Variants in EBF3 observed in about 807,000 individuals in gnomAD.
The protein encoded by EBF3 is transcription factor COE3.
Under a neutral mutation model 77.1 loss-of-function variants are expected in EBF3, and 18 were observed. The observed-to-expected ratio is 0.23, with a 90% CI of 0.16 to 0.35. The LOEUF is 0.35. Ranked by LOEUF, EBF3 falls within the 10% of genes least tolerant of loss-of-function variation. The pLI, the probability that EBF3 is intolerant of heterozygous loss-of-function variation, is 1.00. For missense variants in EBF3, 558 were observed against 860.0 expected (o/e 0.65, Z 4.39); for synonymous variants, 350 against 343.5 (o/e 1.02, Z -0.21).
intron 11 of EBF3, chr10:129,843,519 G>A (rs558833516): frequency 3.1e-6 from 1 of 320,432 alleles, no homozygotes; most frequent in Non-Finnish European, 5.9e-6. Flanking sequence ...GTTTAATGAC[G>A]GAGTCTTATG....
intron 6 of EBF3, among the ~76,000 whole-genome samples, chr10:129,889,802 CAAAAAAAA>C (rs57252162): frequency 2.6e-5 from 3 of 114,918 alleles, no homozygotes; most frequent in Non-Finnish European, 5.2e-5. Flanking sequence ...GTCACATCTG[CAAAAAAAA>C]AAAAAAAAAA....
intron 6 of EBF3, among the ~76,000 whole-genome samples, chr10:129,942,611 G>C (rs919089978): frequency 6.6e-6 from 1 of 152,156 alleles, no homozygotes; most frequent in Admixed American, 6.5e-5. Context: ...GAAAATTGGG[G>C]ACTACCACGT....
chr10:129,899,190 C>G (rs1332092441), intron 6 of EBF3, among the ~76,000 whole-genome samples: 1 of 152,240 alleles, frequency 6.6e-6, no homozygotes, highest in Admixed American at 6.5e-5. Context: ...CTTCTGATAG[C>G]GAATGTCCTC....
At chr10:129,955,814 T>C (rs1451909218) in intron 6 of EBF3, among the ~76,000 whole-genome samples, 1 of 152,242 alleles carries the variant, frequency 6.6e-6, no homozygotes, top group African/African-American at 2.4e-5. Context: ...TGAAACACTT[T>C]CGCAATCCTT....
intron 16 of EBF3, among the ~76,000 whole-genome samples, chr10:129,838,569 G>A (rs552389746): frequency 4.6e-5 from 7 of 152,324 alleles, no homozygotes; most frequent in African/African-American, 1.4e-4. Context: ...ACGGAGAGAC[G>A]TGAGTCATGG....
At position 129,938,008 on chromosome 10, in the gene EBF3, C is replaced by T. The variant is rs765097992; in HGVS notation, c.554+19250G>A. 2.6e-5 allele frequency among the ~76,000 whole-genome samples: 4 copies of T among 152,138 alleles called. No homozygotes were observed. Among genetic ancestry groups the T allele is most frequent in the African/African-American group, 7.2e-5 (3 of 41,418 alleles). ...ACAAAATGCATTAGTCAAAATACTT[C>T]GAAATGGTACAAGCTATTTTCTGGC... On this transcript the variant is annotated intron_variant, in intron 6 of 16. Transcript: ENST00000440978. This position sits in a 1 kb window ranked among gnomAD's most constrained non-coding sequence, Gnocchi z 5.1.
chr10:129,919,424 G>A (rs934533951), intron 6 of EBF3, among the ~76,000 whole-genome samples: 2 of 152,118 alleles, frequency 1.3e-5, no homozygotes, highest in African/African-American at 2.4e-5. Context: ...CAGAGATAGC[G>A]AGCTTCTCTC....
At chr10:129,921,671 A>G (rs1856320665) in intron 6 of EBF3, among the ~76,000 whole-genome samples, 1 of 152,184 alleles carries the variant, frequency 6.6e-6, no homozygotes, top group Admixed American at 6.5e-5. Flanking sequence ...TGCGTGAAGA[A>G]CTGCTGCCCG....
chr10:129,930,897 ATATC>A (rs1248143145), intron 6 of EBF3, among the ~76,000 whole-genome samples: 1 of 141,242 alleles, frequency 7.1e-6, no homozygotes, highest in African/African-American at 2.7e-5. Flanking sequence ...ATATCTGTCT[ATATC>A]TATCTCTATA....
intron 6 of EBF3, among the ~76,000 whole-genome samples, chr10:129,918,045 T>C (rs373050627): frequency 3.9e-5 from 6 of 152,216 alleles, no homozygotes; most frequent in African/African-American, 1.4e-4. Context: ...ACCTGAGACC[T>C]GGAAGCTGGA....
At chr10:129,886,649 A>AT (rs924613333) in intron 6 of EBF3, among the ~76,000 whole-genome samples, 5 of 151,450 alleles carry the variant, frequency 3.3e-5, no homozygotes, top group African/African-American at 7.3e-5. Context: ...GTATGTGGGA[A>AT]TTTTTTTTTC....
chr10:129,923,294 G>A (rs1034600052), intron 6 of EBF3, among the ~76,000 whole-genome samples: 2 of 152,180 alleles, frequency 1.3e-5, no homozygotes, highest in East Asian at 1.9e-4. Flanking sequence ...TACTGTAAGC[G>A]GGGATGATGT....
chr10:129,847,709 A>T (rs958393507), intron 11 of EBF3, among the ~76,000 whole-genome samples: 5 of 152,218 alleles, frequency 3.3e-5, no homozygotes, highest in Non-Finnish European at 5.9e-5. Flanking sequence ...GCTTCTAAAG[A>T]GAGAAAGAGA....
At position 129,837,491 on chromosome 10, in the gene EBF3, C is replaced by A; in HGVS notation, c.*452G>T. ...AAAAATATTTCACATTATAGAGATACACAACCATTGTGAATCTAAGTATGA... is the reference window on the plus strand; with the variant it reads ...AAAAATATTTCACATTATAGAGATAAACAACCATTGTGAATCTAAGTATGA... On this transcript the variant is annotated 3_prime_UTR_variant, in exon 17 of 17. Coordinates refer to ENST00000440978, the MANE Select transcript of EBF3 (RefSeq NM_001375380.1). 6.0e-6 allele frequency: 1 copy of A among 167,694 alleles called. No homozygotes were observed. Among genetic ancestry groups the A allele is most frequent in the Non-Finnish European group, 1.3e-5 (1 of 77,828 alleles). The allele number at this position is 167,694 out of a possible 1,614,324, so 10.4% of individuals were successfully genotyped here. A position where few individuals can be genotyped will look rare whatever the true frequency, so the allele number is the denominator to read the frequency against.
At position 129,963,071 on chromosome 10, in the gene EBF3, C is replaced by G; in HGVS notation, c.292-66G>C. 1 of 1,592,164 alleles carries G rather than the reference C, an allele frequency of 6.3e-7. No individual in the cohort carries two copies. The highest frequency in any genetic ancestry group is 8.6e-7 in the Non-Finnish European group (1 of 1,160,404). ...GTCAGGCGCGGCCACCACGCTCGGT[C>G]CCCCTCCGCGACCGAGGCTCTCGGC... On this transcript the variant is annotated intron_variant, in intron 2 of 16. Coordinates refer to ENST00000440978, the MANE Select transcript of EBF3 (RefSeq NM_001375380.1). The surrounding 1 kb of genome is among the most constrained non-coding windows in gnomAD (Gnocchi z 7.1).
intron 6 of EBF3, among the ~76,000 whole-genome samples, chr10:129,914,572 G>C (rs1834550351): frequency 6.6e-6 from 1 of 152,168 alleles, no homozygotes; most frequent in Non-Finnish European, 1.5e-5. Flanking sequence ...AACGGGGCTG[G>C]TTCCTCCTCT....
At position 129,935,065 on chromosome 10, in the gene EBF3, T is replaced by C. The variant is rs1857263604; in HGVS notation, c.554+22193A>G. On this transcript the variant is annotated intron_variant, in intron 6 of 16. Coordinates refer to ENST00000440978, the MANE Select transcript of EBF3 (RefSeq NM_001375380.1). This position sits in a 1 kb window ranked among gnomAD's most constrained non-coding sequence, Gnocchi z 4.2. ...AGTACATCCCAAATATCTCATGGGA[T>C]GTACTCATCCTAACACATTAGCTGT... is the stretch of plus-strand genomic sequence containing the variant. Among the ~76,000 whole-genome samples the C allele has an allele frequency of 1.3e-5, 2 of 152,166 alleles. No homozygotes were observed. The highest frequency in any genetic ancestry group is 4.2e-4 in the South Asian group (2 of 4,818).
At chr10:129,899,281 A>G (rs995138000) in intron 6 of EBF3, among the ~76,000 whole-genome samples, 14 of 152,268 alleles carry the variant, frequency 9.2e-5, no homozygotes, top group African/African-American at 3.1e-4. Context: ...TTAACTGCCA[A>G]TGAAAACGTC....
In EBF3 at chr10:129,891,381, C is replaced by T. The variant is rs1854007408; in HGVS notation, c.555-13532G>A. Among the ~76,000 whole-genome samples, 3 of 152,164 alleles carry T rather than the reference C, an allele frequency of 2.0e-5. No homozygotes were observed. The South Asian group carries it at 6.2e-4, about 32-fold the overall frequency. ...TGAATAAGCTATTCGCACTTCCTCC[C>T]GTGCATGCAGGAAATTGGAATAAGG... On this transcript the variant is annotated intron_variant, in intron 6 of 16. Transcript: ENST00000440978.
Sources: gnomAD v4.1 joint callset for allele counts (sites outside exome capture counted in the v4.1 genomes callset) on GRCh38, gnomAD v4.1.1 for gene constraint, Gnocchi (gnomAD v3.1) non-coding constraint, MANE v1.5 for transcripts, NCBI Gene and HGNC (gene_info 2026-07-23, HGNC 2026-07-21) for gene names.